PTPRN2: variants seen among roughly 807,000 people sequenced by gnomAD.
The protein encoded by PTPRN2 is protein tyrosine phosphatase receptor type N2.
A neutral mutation model predicts 118.8 loss-of-function variants in PTPRN2; 74 were observed. The observed-to-expected ratio is 0.62, with a 90% CI of 0.52 to 0.76. PTPRN2 has a LOEUF of 0.76. PTPRN2 is among the 30% of genes least tolerant of loss of function. PTPRN2 has a pLI of 0.00. For synonymous variants in PTPRN2, 641 were observed against 608.0 expected (o/e 1.05, Z -0.80); for missense variants, 1,481 against 1,394.4 (o/e 1.06, Z -0.99).
At chr7:158,050,260 C>T (rs1382672599) in intron 11 of PTPRN2, among the ~76,000 whole-genome samples, 2 of 152,224 alleles carry the variant, frequency 1.3e-5, no homozygotes, top group Admixed American at 1.3e-4. Flanking sequence ...CTAAAGTGAT[C>T]ATGCTTATAT....
chr7:158,587,038 G>A (rs1230918575), intron 1 of PTPRN2, among the ~76,000 whole-genome samples: 3 of 152,026 alleles, frequency 2.0e-5, no homozygotes, highest in East Asian at 1.9e-4. Context: ...GTGGCCGGGG[G>A]CTTGAGACCC....
In PTPRN2 at chr7:157,562,432, C is replaced by T. The variant is rs186201300; in HGVS notation, c.2902+6470G>A. Among the ~76,000 whole-genome samples the T allele has an allele frequency of 4.0e-3, 604 of 152,250 alleles. 5 individuals are homozygous for T. Among genetic ancestry groups the T allele is most frequent in the Non-Finnish European group, 6.6e-3 (451 of 68,010 alleles). On this transcript the variant is annotated intron_variant, in intron 21 of 22. Coordinates refer to ENST00000389418, the MANE Select transcript of PTPRN2 (RefSeq NM_002847.5). ...GGGAAGGAGTGACTTCCAGCTTCAC[C>T]GCCTGGTGTAGCCACTGTGGCTTTG...
intron 12 of PTPRN2, among the ~76,000 whole-genome samples, chr7:157,761,455 A>G (rs1178550403): frequency 7.9e-4 from 120 of 151,782 alleles, no homozygotes; most frequent in African/African-American, 2.8e-3. Context: ...TCATATCTAC[A>G]ACTATCTGAT....
chr7:158,308,646 C>A (rs1375061348), intron 3 of PTPRN2, among the ~76,000 whole-genome samples: 1 of 151,224 alleles, frequency 6.6e-6, no homozygotes, highest in Non-Finnish European at 1.5e-5. Flanking sequence ...GGTATTAATT[C>A]AACTAGATTA....
chr7:157,737,281 C>A (rs942350091), intron 12 of PTPRN2, among the ~76,000 whole-genome samples: 1 of 152,250 alleles, frequency 6.6e-6, no homozygotes, highest in African/African-American at 2.4e-5. Flanking sequence ...TCGCCCCAGA[C>A]TGGGGCCTGT....
chr7:158,571,480 A>C (rs1223827236), intron 1 of PTPRN2, among the ~76,000 whole-genome samples: 1 of 150,554 alleles, frequency 6.6e-6, no homozygotes, highest in South Asian at 2.1e-4. Flanking sequence ...TCCAACTCAA[A>C]AAAAACAAAA....
At chr7:158,383,609 TA>T (rs60739116) in intron 2 of PTPRN2, among the ~76,000 whole-genome samples, 14,263 of 152,214 alleles carry the variant, frequency 0.094, 2,203 homozygotes, top group African/African-American at 0.32. Flanking sequence ...GTCAGAAATT[TA>T]ATTTGAAGTT....
chr7:158,439,823 G>A (rs928061556), intron 2 of PTPRN2, among the ~76,000 whole-genome samples: 3 of 152,214 alleles, frequency 2.0e-5, no homozygotes. Flanking sequence ...GCACCTCGTA[G>A]TGCCCACAAG....
intron 6 of PTPRN2, among the ~76,000 whole-genome samples, chr7:158,146,885 A>C (rs1264992801): frequency 2.6e-5 from 4 of 151,938 alleles, no homozygotes; most frequent in African/African-American, 9.7e-5. Flanking sequence ...TACAGGGAAA[A>C]TACACCATTA....
At chr7:158,110,995 C>T in intron 9 of PTPRN2, 80 bp from the exon 10 acceptor site, 2 of 1,243,102 alleles carry the variant, frequency 1.6e-6, no homozygotes, top group Non-Finnish European at 2.2e-6. Flanking sequence ...GGCCCCACAG[C>T]CCCGCTCCCT....
chr7:157,905,150 GACTCACACCT>G lies in PTPRN2; in HGVS notation c.1724-6423_1724-6414del, dbSNP rs528813122. Among the ~76,000 whole-genome samples the G allele has an allele frequency of 2.5e-3, 378 of 152,330 alleles. 2 individuals are homozygous for G. The highest frequency in any genetic ancestry group is 8.3e-3 in the African/African-American group (345 of 41,568). Reference sequence around the variant, plus strand: ...TTTTGCCCACACCTGTGTAACTGAGGACTCACACCTACTCCTTTTAAGTCTAAAGTAAATA... The same window carrying G: ...TTTTGCCCACACCTGTGTAACTGAGGACTCCTTTTAAGTCTAAAGTAAATA... On this transcript the variant is annotated intron_variant, in intron 11 of 22. Transcript: ENST00000389418.
chr7:157,544,173 A>G (rs1052535750), intron 22 of PTPRN2, among the ~76,000 whole-genome samples: 1 of 151,892 alleles, frequency 6.6e-6, no homozygotes, highest in Non-Finnish European at 1.5e-5. Flanking sequence ...AGAGAGACGG[A>G]GAGAGGTGGA....
intron 11 of PTPRN2, among the ~76,000 whole-genome samples, chr7:158,060,065 C>G (rs1810193933): frequency 1.6e-5 from 2 of 123,350 alleles, no homozygotes; most frequent in Admixed American, 7.7e-5. Context: ...CACGGTGACA[C>G]ATCACTGCAG....
intron 11 of PTPRN2, among the ~76,000 whole-genome samples, chr7:157,970,279 T>C (rs867923642): frequency 1.3e-5 from 2 of 152,172 alleles, no homozygotes; most frequent in Non-Finnish European, 2.9e-5. Context: ...AGCACACAAG[T>C]ACCCAAGGTC....
At chr7:157,584,967 C>T (rs1018474952) in intron 17 of PTPRN2, among the ~76,000 whole-genome samples, 7 of 152,154 alleles carry the variant, frequency 4.6e-5, no homozygotes, top group African/African-American at 7.2e-5. Context: ...CATTTGGACA[C>T]GGTAATATAA....
In PTPRN2 at chr7:157,990,914, G is replaced by C. The variant is rs1210726832; in HGVS notation, c.1723+90384C>G. On this transcript the variant is annotated intron_variant, in intron 11 of 22. Transcript: ENST00000389418. The surrounding 1 kb of genome is among the most constrained non-coding windows in gnomAD (Gnocchi z 4.3). ...TCCAGTCAGGCAGAGAGAGCTGCTGGTGTCAACCCTGCCAGCAAGATGTGC... is the reference window on the plus strand; with the variant it reads ...TCCAGTCAGGCAGAGAGAGCTGCTGCTGTCAACCCTGCCAGCAAGATGTGC... Among the ~76,000 whole-genome samples, 2 of 152,214 alleles carry C rather than the reference G, an allele frequency of 1.3e-5. No homozygotes were observed. The highest frequency in any genetic ancestry group is 2.9e-5 in the Non-Finnish European group (2 of 68,024).
intron 11 of PTPRN2, among the ~76,000 whole-genome samples, chr7:158,004,875 G>T (rs916102357): frequency 6.6e-6 from 1 of 152,156 alleles, no homozygotes; most frequent in Non-Finnish European, 1.5e-5. Flanking sequence ...TAATGGTAAT[G>T]TTTATGATGG....
At chr7:157,931,318 C>T (rs1799345809) in intron 11 of PTPRN2, among the ~76,000 whole-genome samples, 1 of 152,180 alleles carries the variant, frequency 6.6e-6, no homozygotes, top group African/African-American at 2.4e-5. Flanking sequence ...ATGCAGGATT[C>T]TTGGGGTAGG....
chr7:157,799,201 G>A (rs1024862707), intron 12 of PTPRN2, among the ~76,000 whole-genome samples: 3 of 152,144 alleles, frequency 2.0e-5, no homozygotes, highest in African/African-American at 7.2e-5. Context: ...GGCTGGGTGA[G>A]GCTGGAGCGT....
Sources: gnomAD v4.1 joint callset for allele counts (sites outside exome capture counted in the v4.1 genomes callset) on GRCh38, gnomAD v4.1.1 for gene constraint, Gnocchi (gnomAD v3.1) non-coding constraint, MANE v1.5 for transcripts, NCBI Gene and HGNC (gene_info 2026-07-23, HGNC 2026-07-21) for gene names.